Variants in RAP1A observed in about 807,000 individuals in gnomAD.
RAP1A encodes ras-related protein Rap-1A.
RAP1A carries 6 observed loss-of-function variants against 26.4 expected under a neutral mutation model. The observed-to-expected ratio is 0.23, with a 90% confidence interval of 0.12 to 0.45. The LOEUF is 0.45. Ranked by LOEUF, RAP1A falls within the 20% of genes least tolerant of loss-of-function variation. The pLI is 0.99. For missense variants in RAP1A, 121 were observed against 217.2 expected (o/e 0.56, Z 2.78); for synonymous variants, 73 against 79.4 (o/e 0.92, Z 0.43).
chr1:111,615,795 C>T (rs1409819308), upstream of RAP1A, among the ~76,000 whole-genome samples: 2 of 144,588 alleles, frequency 1.4e-5, no homozygotes, highest in Non-Finnish European at 3.0e-5. Context: ...CGTGCCACTG[C>T]ACTCCAGCCT....
At chr1:111,640,814 A>T (rs1327416829) in intron 1 of RAP1A, among the ~76,000 whole-genome samples, 1 of 152,140 alleles carries the variant, frequency 6.6e-6, no homozygotes, top group African/African-American at 2.4e-5. Context: ...AAAACAAAAA[A>T]TTAGCAGGGT....
chr1:111,658,663 A>G (rs191390784), intron 1 of RAP1A, among the ~76,000 whole-genome samples: 6 of 152,326 alleles, frequency 3.9e-5, no homozygotes, highest in South Asian at 2.1e-4. Flanking sequence ...TTGTAATCCT[A>G]TGGGACCACC....
At chr1:111,665,731 G>A (rs1454506117) in intron 1 of RAP1A, among the ~76,000 whole-genome samples, 1 of 152,144 alleles carries the variant, frequency 6.6e-6, no homozygotes, top group Non-Finnish European at 1.5e-5. Flanking sequence ...GGATCCAAGA[G>A]CACATGTAGT....
chr1:111,648,830 G>A, intron 1 of RAP1A: 3 of 703,380 alleles, frequency 4.3e-6, no homozygotes, highest in South Asian at 2.8e-5. Flanking sequence ...GGGCCGAGAT[G>A]TCTGCCATGA....
intron 6 of RAP1A, 48 bp from the exon 7 acceptor site, chr1:111,709,101 G>A: frequency 6.4e-7 from 1 of 1,572,532 alleles, no homozygotes; most frequent in East Asian, 2.3e-5. Flanking sequence ...GTGGAACAAA[G>A]TCTCAAAAAC....
At chr1:111,652,129 A>T (rs1487504643) in intron 1 of RAP1A, among the ~76,000 whole-genome samples, 1 of 152,052 alleles carries the variant, frequency 6.6e-6, no homozygotes, top group Non-Finnish European at 1.5e-5. Context: ...TTGTGCCACC[A>T]TGCCCAGCTA....
chr1:111,699,703 G>C (rs951624471), intron 4 of RAP1A, among the ~76,000 whole-genome samples: 5 of 151,642 alleles, frequency 3.3e-5, no homozygotes, highest in Non-Finnish European at 7.4e-5. Flanking sequence ...CTGGACTCAA[G>C]GGATCCTCCT....
rs150530452 is a variant in RAP1A at position 111,585,777 on chromosome 1, T to C, written c.-28+43268T>C. On this transcript the variant is annotated intron_variant, in intron 1 of 7. Transcript: ENST00000356415. ...GAGTTCTAGGATGTGAGTTATCATA[T>C]ATCATCTACACTAAGACACATTTAA... is the stretch of plus-strand genomic sequence containing the variant. Among the ~76,000 whole-genome samples the C allele has an allele frequency of 2.3e-3, 350 of 152,246 alleles. 2 individuals are homozygous for C. Among genetic ancestry groups the C allele is most frequent in the African/African-American group, 8.0e-3 (332 of 41,526 alleles).
chr1:111,591,657 G>T (rs1658473809), intron 1 of RAP1A, among the ~76,000 whole-genome samples: 1 of 152,154 alleles, frequency 6.6e-6, no homozygotes, highest in Admixed American at 6.5e-5. Flanking sequence ...AAACCGATCA[G>T]ATAACATGAT....
chr1:111,664,381 A>C (rs1268951156), intron 1 of RAP1A, among the ~76,000 whole-genome samples: 1 of 110,878 alleles, frequency 9.0e-6, no homozygotes, highest in Non-Finnish European at 1.9e-5. Flanking sequence ...CTCAAAAAAA[A>C]AAAAAAAAAA....
chr1:111,559,164 G>T (rs1303249012), intron 1 of RAP1A, among the ~76,000 whole-genome samples: 4 of 151,152 alleles, frequency 2.6e-5, no homozygotes, highest in Non-Finnish European at 4.5e-5. Context: ...ATCAAAACTT[G>T]TGGGATACAA....
intron 1 of RAP1A, among the ~76,000 whole-genome samples, chr1:111,555,362 TAAAAAA>T (rs397981230): frequency 3.1e-4 from 15 of 47,650 alleles, no homozygotes; most frequent in African/African-American, 9.5e-4. Context: ...TGAGACTCTG[TAAAAAA>T]AAAAAAAAAA....
chr1:111,643,477 C>T (rs1659957026), intron 1 of RAP1A, among the ~76,000 whole-genome samples: 1 of 152,228 alleles, frequency 6.6e-6, no homozygotes, highest in South Asian at 2.1e-4. Context: ...ATTCTACTCA[C>T]AGCTTTGAGC....
At chr1:111,613,697 T>G (rs1658966560) in intron 1 of RAP1A, among the ~76,000 whole-genome samples, 1 of 152,214 alleles carries the variant, frequency 6.6e-6, no homozygotes, top group Non-Finnish European at 1.5e-5. Context: ...CTGATTCACC[T>G]AGACGAGGCC....
intron 1 of RAP1A, among the ~76,000 whole-genome samples, chr1:111,662,795 T>C (rs1660680990): frequency 6.6e-6 from 1 of 152,244 alleles, no homozygotes; most frequent in South Asian, 2.1e-4. Flanking sequence ...TTAGTCCAGC[T>C]TTGTTGTGTA....
chr1:111,693,418 G>C, intron 2 of RAP1A, among the ~76,000 whole-genome samples: 1 of 152,036 alleles, frequency 6.6e-6, no homozygotes, highest in East Asian at 1.9e-4. Context: ...TTGTATGCTG[G>C]GGGCAATTCC....
chr1:111,664,823 G>A (rs1389732691), intron 1 of RAP1A, among the ~76,000 whole-genome samples: 1 of 152,172 alleles, frequency 6.6e-6, no homozygotes, highest in Non-Finnish European at 1.5e-5. Flanking sequence ...ACTAGTATCT[G>A]CCTTGTAAGC....
chr1:111,610,573 CACACACA>C (rs1658909916), intron 1 of RAP1A, among the ~76,000 whole-genome samples: 4 of 139,950 alleles, frequency 2.9e-5, no homozygotes, highest in Admixed American at 7.0e-5. Context: ...CACACACACA[CACACACA>C]CCCAACACCA....
At chr1:111,631,388 A>G (rs895935054) in intron 1 of RAP1A, among the ~76,000 whole-genome samples, 1 of 152,304 alleles carries the variant, frequency 6.6e-6, no homozygotes, top group African/African-American at 2.4e-5. Context: ...CCTATCTGTA[A>G]TGGACCTACA....
Sources: allele counts gnomAD v4.1 joint callset (sites outside exome capture counted in the v4.1 genomes callset), GRCh38; gene constraint gnomAD v4.1.1; transcripts MANE v1.5; gene names NCBI Gene and HGNC (gene_info 2026-07-23, HGNC 2026-07-21).